Variants in PABPC1 observed in about 807,000 individuals in gnomAD.
PABPC1 encodes poly(A) binding protein cytoplasmic 1.
In PABPC1, 4 loss-of-function variants were observed where a neutral mutation model predicts 74.0. The ratio of observed to expected loss-of-function variants is 0.05; its 90% confidence interval spans 0.03 to 0.12. PABPC1 has a LOEUF of 0.12. Among genes scored for constraint, PABPC1 ranks in the 10% least tolerant of loss-of-function variants. The pLI, the probability that PABPC1 is intolerant of heterozygous loss-of-function variation, is 1.00. For synonymous variants in PABPC1, 227 were observed against 264.1 expected, an observed-to-expected ratio of 0.86 and a Z score of 1.36; for missense variants, 271 against 821.1, an observed-to-expected ratio of 0.33 and a Z score of 8.19.
At chr8:100,715,719 G>A (rs778091657) in intron 3 of PABPC1, 118 bp from the exon 4 acceptor site, 9 of 620,198 alleles carry the variant, frequency 1.5e-5, no homozygotes, top group Non-Finnish European at 2.3e-5. Context: ...CTAATAAAAA[G>A]CACACTACAA....
chr8:100,706,304 A>C (rs1217780697), intron 11 of PABPC1, among the ~76,000 whole-genome samples: 1 of 152,232 alleles, frequency 6.6e-6, no homozygotes, highest in Admixed American at 6.5e-5. Flanking sequence ...TCTATCATGC[A>C]GCTGTCTTCA....
chr8:100,717,611 G>A (rs1172204137), intron 3 of PABPC1, among the ~76,000 whole-genome samples, 162 bp downstream of exon 3: 1 of 152,126 alleles, frequency 6.6e-6, no homozygotes, highest in Non-Finnish European at 1.5e-5. Context: ...TTTCACTCCA[G>A]TACAACTACA....
chr8:100,717,575 G>A (rs1017670480), intron 3 of PABPC1, among the ~76,000 whole-genome samples, 198 bp downstream of exon 3: 1 of 152,102 alleles, frequency 6.6e-6, no homozygotes, highest in Non-Finnish European at 1.5e-5. Flanking sequence ...AAATTCAATT[G>A]TAAAAATCAA....
chr8:100,710,803 G>A (rs561909854), intron 7 of PABPC1, among the ~76,000 whole-genome samples: 5 of 151,228 alleles, frequency 3.3e-5, no homozygotes, highest in Admixed American at 2.6e-4. Context: ...CCTGGCCAAC[G>A]TGGCGAAACC....
rs1810329472 is a variant in PABPC1, at chr8:100,704,474, C to T, written c.1819-84G>A. 3 of 1,123,144 alleles carry T rather than the reference C, an allele frequency of 2.7e-6. No individual in the cohort carries two copies. In the South Asian group the frequency reaches 3.8e-5, roughly 14 times the overall value. 69.6% of individuals were successfully genotyped at this position (1,123,144 alleles called of 1,614,324 possible). A position where few individuals can be genotyped will look rare whatever the true frequency, so the allele number is the denominator to read the frequency against. ...ATAATGGTAACATACCAATTCCCAA[C>T]AAAGATAAGTTTCTTCCCTCAAATG... On this transcript the variant is annotated intron_variant, in intron 13 of 14. Coordinates refer to ENST00000318607, the MANE Select transcript of PABPC1 (RefSeq NM_002568.4).
At chr8:100,707,282 C>A in intron 9 of PABPC1, 1 of 271,104 alleles carries the variant, frequency 3.7e-6, no homozygotes, top group African/African-American at 2.3e-5. Flanking sequence ...AGACACGAGA[C>A]ACAGAGATTT....
chr8:100,706,362 C>T (rs921139388), intron 11 of PABPC1, among the ~76,000 whole-genome samples: 1 of 152,136 alleles, frequency 6.6e-6, no homozygotes, highest in Non-Finnish European at 1.5e-5. Context: ...GCAGGGATTA[C>T]AGCTTGCTGC....
intron 11 of PABPC1, 76 bp from the exon 12 acceptor site, chr8:100,705,749 C>T (rs1480104727): frequency 2.2e-6 from 2 of 920,280 alleles, no homozygotes; most frequent in Non-Finnish European, 3.5e-6. Context: ...CAATGGACAT[C>T]TGCTGAAGTG....
In PABPC1 at chr8:100,712,640, T is replaced by C; in HGVS notation, c.876+12A>G. On this transcript the variant is annotated intron_variant, in intron 6 of 14. Coordinates refer to ENST00000318607, the MANE Select transcript of PABPC1 (RefSeq NM_002568.4). ...TCCCTGTCTTATTTTGGTTGTTCAA[T>C]TAAAAATGAACCTGGTATCTGGTGA... 6.3e-7 allele frequency: 1 copy of C among 1,590,100 alleles called. No individual in the cohort carries two copies. The highest frequency in any genetic ancestry group is 8.5e-7 in the Non-Finnish European group (1 of 1,171,672).
At chr8:100,716,078 A>C (rs1333540846) in intron 3 of PABPC1, among the ~76,000 whole-genome samples, 1 of 152,058 alleles carries the variant, frequency 6.6e-6, no homozygotes, top group African/African-American at 2.4e-5. Context: ...ACTAAAACTT[A>C]ATTTTTTCTG....
intron 6 of PABPC1, 24 bp downstream of exon 6, chr8:100,712,628 T>A: frequency 6.3e-7 from 1 of 1,594,816 alleles, no homozygotes. Context: ...CTGTCTTATT[T>A]TGGTTGTTCA....
At chr8:100,704,440 A>C in intron 13 of PABPC1, 50 bp from the exon 14 acceptor site, 1 of 1,433,850 alleles carries the variant, frequency 7.0e-7, no homozygotes, top group Non-Finnish European at 9.8e-7. Context: ...AATGGAAATA[A>C]AGAGTTTCAT....
intron 1 of PABPC1, among the ~76,000 whole-genome samples, chr8:100,719,696 GA>G (rs1810763384): frequency 6.6e-6 from 1 of 152,142 alleles, no homozygotes; most frequent in African/African-American, 2.4e-5. Context: ...CGAATCCCAA[GA>G]AATGTAAAAA....
intron 13 of PABPC1, 139 bp downstream of exon 13, chr8:100,704,787 G>A (rs1341248720): frequency 3.8e-5 from 32 of 849,386 alleles, no homozygotes; most frequent in East Asian, 7.8e-5. Context: ...GATAAATAGC[G>A]CCACAGGTTA....
chr8:100,711,096 T>G (rs765172247), intron 7 of PABPC1, among the ~76,000 whole-genome samples: 1 of 152,108 alleles, frequency 6.6e-6, no homozygotes, highest in African/African-American at 2.4e-5. Flanking sequence ...TTGGCCAACA[T>G]GGTGAAACCC....
At chr8:100,707,107 A>T in intron 9 of PABPC1, 110 bp from the exon 10 acceptor site, 1 of 729,138 alleles carries the variant, frequency 1.4e-6, no homozygotes, top group Non-Finnish European at 2.3e-6. Flanking sequence ...AAAAGTGACA[A>T]AACTTTTTAA....
intron 9 of PABPC1, among the ~76,000 whole-genome samples, chr8:100,708,113 T>C (rs962363480): frequency 1.3e-5 from 2 of 152,252 alleles, no homozygotes; most frequent in African/African-American, 4.8e-5. Flanking sequence ...CTAAGATCTA[T>C]ATCTGGTATA....
chr8:100,719,302 T>A (rs980119604), intron 1 of PABPC1, among the ~76,000 whole-genome samples: 1 of 152,152 alleles, frequency 6.6e-6, no homozygotes, highest in African/African-American at 2.4e-5. Flanking sequence ...CCTCTTTTTT[T>A]ATAAATGAAA....
At position 100,709,769 on chromosome 8, in the gene PABPC1, A is replaced by G. The variant is rs538437413; in HGVS notation, c.973-38T>C. 17 of 1,547,584 alleles carry G rather than the reference A, an allele frequency of 1.1e-5. No homozygotes were observed. In the African/African-American group the frequency reaches 2.4e-4, roughly 21 times the overall value. On this transcript the variant is annotated intron_variant, in intron 7 of 14. Transcript: ENST00000318607. ...AGAAAAAAAAAGTTAACGTAATGGT[A>G]GAATGAGGAGCAAAAAAAGAGCGTT...
Sources: gnomAD v4.1 joint callset for allele counts (sites outside exome capture counted in the v4.1 genomes callset) on GRCh38, gnomAD v4.1.1 for gene constraint, MANE v1.5 for transcripts, NCBI Gene and HGNC (gene_info 2026-07-23, HGNC 2026-07-21) for gene names.